Variants in RPS6KA2 observed in about 807,000 individuals in gnomAD.
RPS6KA2 encodes ribosomal protein S6 kinase alpha-2.
Under a neutral mutation model 91.8 loss-of-function variants are expected in RPS6KA2, and 42 were observed. The ratio of observed to expected loss-of-function variants is 0.46; its 90% CI spans 0.36 to 0.59. The LOEUF is 0.59. Among genes scored for constraint, RPS6KA2 ranks in the 20% least tolerant of loss-of-function variants. RPS6KA2 has a pLI of 0.00. For missense variants in RPS6KA2, 798 were observed against 978.5 expected (o/e 0.82, Z 2.46); for synonymous variants, 414 against 393.6 (o/e 1.05, Z -0.61).
At chr6:166,762,911 G>C (rs542308100) in intron 2 of RPS6KA2, among the ~76,000 whole-genome samples, 17 of 152,364 alleles carry the variant, frequency 1.1e-4, no homozygotes, top group African/African-American at 4.1e-4. Context: ...GGTTTCACAT[G>C]CTTCTGTGAT....
intron 2 of RPS6KA2, among the ~76,000 whole-genome samples, chr6:166,722,050 T>C (rs544999317): frequency 1.3e-5 from 2 of 152,246 alleles, no homozygotes; most frequent in African/African-American, 2.4e-5. Context: ...AGTAGGAAAA[T>C]ATAACCAGAA....
At chr6:166,649,517 T>G (rs932487674) in intron 2 of RPS6KA2, among the ~76,000 whole-genome samples, 1 of 152,200 alleles carries the variant, frequency 6.6e-6, no homozygotes, top group Non-Finnish European at 1.5e-5. Context: ...GTATATAGAT[T>G]TCCAGATTTT....
intron 3 of RPS6KA2, among the ~76,000 whole-genome samples, chr6:166,519,381 T>C (rs1356803406): frequency 1.3e-5 from 2 of 152,260 alleles, no homozygotes; most frequent in Non-Finnish European, 2.9e-5. Flanking sequence ...TTCTCGGCTA[T>C]CTTGAGATTC....
chr6:166,558,388 C>T (rs1034969573), intron 1 of RPS6KA2, among the ~76,000 whole-genome samples: 3 of 152,178 alleles, frequency 2.0e-5, no homozygotes, highest in Admixed American at 6.5e-5. Context: ...GAGGCCTACC[C>T]GTATCTAGGG....
chr6:166,632,135 A>G (rs750957633), upstream of RPS6KA2, among the ~76,000 whole-genome samples: 27 of 152,130 alleles, frequency 1.8e-4, no homozygotes, highest in Non-Finnish European at 3.4e-4. Flanking sequence ...GACTCCACAG[A>G]TAAGTGAGAT....
intron 2 of RPS6KA2, among the ~76,000 whole-genome samples, chr6:166,803,340 C>G (rs947389777): frequency 6.6e-6 from 1 of 152,190 alleles, no homozygotes; most frequent in African/African-American, 2.4e-5. Context: ...AGTTCCTAAA[C>G]CTTTCACCAA....
At chr6:166,524,673 T>A (rs1365880705) in intron 3 of RPS6KA2, among the ~76,000 whole-genome samples, 1 of 152,184 alleles carries the variant, frequency 6.6e-6, no homozygotes, top group Admixed American at 6.5e-5. Flanking sequence ...TGAACACAGC[T>A]TACACTTTCC....
At chr6:166,699,614 G>C (rs915601648) in intron 2 of RPS6KA2, among the ~76,000 whole-genome samples, 1 of 152,158 alleles carries the variant, frequency 6.6e-6, no homozygotes, top group Non-Finnish European at 1.5e-5. Context: ...TCAATTCAGA[G>C]AGCAGCATGG....
At chr6:166,642,503 C>T (rs540909003) in intron 2 of RPS6KA2, among the ~76,000 whole-genome samples, 10 of 152,234 alleles carry the variant, frequency 6.6e-5, no homozygotes, top group East Asian at 3.9e-4. Context: ...ATAGCATATA[C>T]GGGACAGTGA....
At chr6:166,536,580 T>A (rs932596350) in intron 2 of RPS6KA2, among the ~76,000 whole-genome samples, 1 of 152,148 alleles carries the variant, frequency 6.6e-6, no homozygotes, top group East Asian at 1.9e-4. Context: ...GAGAATAGTA[T>A]CTCTTCTTTC....
intron 2 of RPS6KA2, among the ~76,000 whole-genome samples, chr6:166,826,054 T>C (rs1039106208): frequency 1.3e-5 from 2 of 152,226 alleles, no homozygotes; most frequent in Non-Finnish European, 2.9e-5. Flanking sequence ...CGGGCATAAA[T>C]AGATGTTCTC....
chr6:166,857,400 C>T (rs117839391), intron 2 of RPS6KA2, among the ~76,000 whole-genome samples: 5,189 of 152,240 alleles, frequency 0.034, 114 homozygotes, highest in Non-Finnish European at 0.048. Context: ...AGTGTGGCTG[C>T]GTAACTACAA....
At chr6:166,487,232 T>A (rs1781442637) in intron 10 of RPS6KA2, among the ~76,000 whole-genome samples, 1 of 152,198 alleles carries the variant, frequency 6.6e-6, no homozygotes, top group African/African-American at 2.4e-5. Flanking sequence ...TTTACTCTCC[T>A]GACACACACC....
chr6:166,600,993 C>T (rs1481067057), intron 1 of RPS6KA2, among the ~76,000 whole-genome samples: 2 of 152,100 alleles, frequency 1.3e-5, no homozygotes, highest in African/African-American at 4.8e-5. Flanking sequence ...AACAAAATCT[C>T]TTATACTCAG....
Position 166,599,990 on chromosome 6 carries a change from G to T in RPS6KA2, c.99+26931C>A, listed in dbSNP as rs1583315340. On this transcript the variant is annotated intron_variant, in intron 1 of 20. Coordinates refer to ENST00000265678, the MANE Select transcript of RPS6KA2 (RefSeq NM_021135.6). The stretch of plus-strand genomic sequence containing the variant: ...TCCCCTCCTCCGTATATGGGTGAGG[G>T]TGGTAAGTTTGTTTGTTTGTTTGTT... 3.9e-5 allele frequency among the ~76,000 whole-genome samples: 6 copies of T among 152,066 alleles called. No individual in the cohort carries two copies. In the South Asian group the frequency reaches 1.3e-3, roughly 32 times the overall value.
At chr6:166,623,193 C>T (rs902459213) in intron 1 of RPS6KA2, among the ~76,000 whole-genome samples, 52 of 152,238 alleles carry the variant, frequency 3.4e-4, no homozygotes, top group Non-Finnish European at 1.3e-4. Context: ...CTAATAACTG[C>T]TTCCTAAATG....
intron 2 of RPS6KA2, among the ~76,000 whole-genome samples, chr6:166,744,248 T>C (rs749272511): frequency 1.6e-4 from 24 of 152,242 alleles, no homozygotes; most frequent in Non-Finnish European, 3.2e-4. Flanking sequence ...GTGGATGCAG[T>C]GGCCTCTGGG....
intron 2 of RPS6KA2, among the ~76,000 whole-genome samples, chr6:166,787,170 C>T (rs80034688): frequency 0.049 from 7,440 of 151,984 alleles, 609 homozygotes; most frequent in African/African-American, 0.17. Flanking sequence ...GGAGTTTATC[C>T]AAAGATAAAG....
intron 1 of RPS6KA2, among the ~76,000 whole-genome samples, chr6:166,545,219 T>C (rs1168912242): frequency 3.3e-5 from 5 of 152,188 alleles, no homozygotes; most frequent in Admixed American, 6.5e-5. Flanking sequence ...AATGCTCAAA[T>C]GGATGCCGCA....
Sources: gnomAD v4.1 joint callset for allele counts (sites outside exome capture counted in the v4.1 genomes callset) on GRCh38, gnomAD v4.1.1 for gene constraint, MANE v1.5 for transcripts, NCBI Gene and HGNC (gene_info 2026-07-23, HGNC 2026-07-21) for gene names.